Variants in LAS1L observed in about 807,000 individuals in gnomAD.
LAS1L encodes the protein ribosomal biogenesis protein LAS1L.
A neutral mutation model predicts 57.3 loss-of-function variants in LAS1L; 5 were observed. The observed-to-expected ratio is 0.09, with a 90% CI of 0.05 to 0.18. LAS1L has a LOEUF of 0.18. Among genes scored for constraint, LAS1L ranks in the 10% least tolerant of loss-of-function variants. LAS1L has a pLI of 1.00. For missense variants in LAS1L, 360 were observed against 568.3 expected (o/e 0.63, Z 3.73); for synonymous variants, 245 against 231.7 (o/e 1.06, Z -0.52).
intron 7 of LAS1L, among the ~76,000 whole-genome samples, chrX:65,527,104 C>T (rs998352442): frequency 9.9e-6 from 1 of 101,361 alleles, no homozygotes; most frequent in African/African-American, 3.5e-5. Context: ...CCCAGCTTCT[C>T]GGGGAGGCTG....
At chrX:65,513,046 G>A (rs747709754) in intron 13 of LAS1L, 145 bp from the exon 14 acceptor site, 115 of 586,060 alleles carry the variant, frequency 2.0e-4, no homozygotes, top group South Asian at 1.4e-3. Flanking sequence ...TCCGAGAAAC[G>A]ACTTCGTGTG....
chrX:65,533,921 G>T (rs575319816), intron 1 of LAS1L, among the ~76,000 whole-genome samples, 186 bp from the exon 2 acceptor site: 3 of 112,026 alleles, frequency 2.7e-5, no homozygotes, highest in African/African-American at 9.7e-5. Context: ...TACAGGGCAT[G>T]AGGAGCTGAC....
intron 2 of LAS1L, 93 bp from the exon 3 acceptor site, chrX:65,532,723 T>G (rs750595423): frequency 1.6e-4 from 94 of 600,149 alleles, no homozygotes; most frequent in Non-Finnish European, 2.3e-4. Flanking sequence ...TTTCCACTTT[T>G]CCACCGACTG....
At chrX:65,523,491 T>C (rs1198037986) in intron 11 of LAS1L, 69 bp downstream of exon 11, 12 of 1,053,709 alleles carry the variant, frequency 1.1e-5, no homozygotes, top group Non-Finnish European at 1.5e-5. Context: ...ACTCAGTCAT[T>C]CTAGGGCAGT....
chrX:65,520,337 G>A, intron 11 of LAS1L: 3 of 399,119 alleles, frequency 7.5e-6, no homozygotes, highest in Non-Finnish European at 9.5e-6. Flanking sequence ...GTCAAATAGG[G>A]TATAATATAT....
Position 65,534,521 on chromosome X carries a change from C to T in LAS1L, c.195G>A (p.Leu65=). ...TGATGCGGTTAAGCGCGTACCGCTG[C>T]AACTTATGGTCGTCACAGAACAGAT... is the stretch of plus-strand genomic sequence containing the variant. ...TVYLFCDDHK[L]QRYALNRITV... is the part of the protein sequence containing the mutation. The change falls in exon 1 of 14, where the codon TTG becomes TTA. Residue 65 remains leucine (L), a synonymous_variant. Transcript: ENST00000374811. The T allele has an allele frequency of 8.3e-7, 1 of 1,208,966 alleles. No homozygotes were observed. Among genetic ancestry groups the T allele is most frequent in the Non-Finnish European group, 1.1e-6 (1 of 894,051 alleles).
At chrX:65,529,066 TC>T (rs2069329809) in intron 6 of LAS1L, 145 bp downstream of exon 6, 1 of 532,789 alleles carries the variant, frequency 1.9e-6, no homozygotes, top group Non-Finnish European at 3.4e-6. Flanking sequence ...CCTTCCTAGT[TC>T]CCCCCTCTCT....
At position 65,524,087 on chromosome X, in the gene LAS1L, G is replaced by C; in HGVS notation, c.1269C>G (p.Thr423=). Residue 423 remains threonine (T), a synonymous_variant, in exon 10 of 14, where the codon ACC becomes ACG. Transcript: ENST00000374811. The part of the protein sequence containing the change: ...GIRPTYILRW[T]VELIVANTKT... ...TGGTGTTGGCCACGATCAGTTCAAC[G>C]GTCCATCTGAGGATGTAGGTAGGCC... 2.5e-6 allele frequency: 3 copies of C among 1,211,051 alleles called. No homozygotes were observed. Among genetic ancestry groups the C allele is most frequent in the Admixed American group, 2.2e-5 (1 of 46,029 alleles).
At chrX:65,516,709 T>C (rs1004031725) in intron 12 of LAS1L, among the ~76,000 whole-genome samples, 26 of 108,131 alleles carry the variant, frequency 2.4e-4, no homozygotes, top group African/African-American at 3.7e-4. Context: ...CCCCTCCCTT[T>C]CAATATTTAC....
At position 65,515,048 on chromosome X, in the gene LAS1L, T is replaced by C. The variant is rs1186325428; in HGVS notation, c.1928-75A>G. The stretch of plus-strand genomic sequence containing the variant: ...GACTGGTGCACAGGCCTGCTCACCC[T>C]GTCCATCCACCCACCCCACTTAGCA... On this transcript the variant is annotated intron_variant, in intron 12 of 13. Transcript: ENST00000374811. 2.9e-6 allele frequency: 3 copies of C among 1,026,690 alleles called. No homozygotes were observed. In the African/African-American group the frequency reaches 5.7e-5, roughly 20 times the overall value. 84.6% of individuals were successfully genotyped at this position (1,026,690 alleles called of 1,213,427 possible).
intron 7 of LAS1L, among the ~76,000 whole-genome samples, chrX:65,525,908 T>G (rs1466129876): frequency 1.8e-5 from 2 of 111,370 alleles, no homozygotes; most frequent in African/African-American, 3.3e-5. Context: ...CCAAATCTTA[T>G]GTTGAAATTT....
chrX:65,524,010 T>G (rs375513406), intron 10 of LAS1L, 46 bp downstream of exon 10: 1 of 1,126,034 alleles, frequency 8.9e-7, no homozygotes, highest in East Asian at 3.1e-5. Context: ...CAGAGGCTCC[T>G]GCCTGGGCTG....
intron 7 of LAS1L, among the ~76,000 whole-genome samples, chrX:65,525,748 C>CAAAAAAAAAAAAAAAAAAAATA (rs772564998): frequency 2.6e-5 from 1 of 38,258 alleles, no homozygotes; most frequent in African/African-American, 1.1e-4. Context: ...TCTGATTTTT[C>CAAAAAAAAAAAAAAAAAAAATA]AAAAAAAAAA....
At chrX:65,533,815 G>C in intron 1 of LAS1L, 80 bp from the exon 2 acceptor site, 1 of 1,031,334 alleles carries the variant, frequency 9.7e-7, no homozygotes, top group Non-Finnish European at 1.3e-6. Context: ...GGTTGTTGCA[G>C]GCTACACCCA....
Position 65,514,834 on chromosome X carries a change from T to A in LAS1L, c.2067A>T (p.Thr689=). 8.4e-7 allele frequency: 1 copy of A among 1,191,988 alleles called. No homozygotes were observed. The highest frequency in any genetic ancestry group is 1.1e-6 in the Non-Finnish European group (1 of 884,344). ...PVLEQRLEPS[T]CKTDTLGLSC... Reference sequence around the variant, plus strand: ...CCATGGGCACTCACTCAGTCTTGCATGTTGAGGGTTCCAGCCGCTGCTCTA... The same window carrying A: ...CCATGGGCACTCACTCAGTCTTGCAAGTTGAGGGTTCCAGCCGCTGCTCTA... Residue 689 remains threonine, a synonymous_variant, in exon 13 of 14, where the codon ACA becomes ACT. Transcript: ENST00000374811.
At chrX:65,528,152 G>A in intron 7 of LAS1L, 108 bp downstream of exon 7, 2 of 503,457 alleles carry the variant, frequency 4.0e-6, no homozygotes, top group Non-Finnish European at 7.0e-6. Context: ...TTATCCCTGG[G>A]ATTTTGTACA....
intron 11 of LAS1L, among the ~76,000 whole-genome samples, chrX:65,519,988 C>A (rs2068786302): frequency 8.9e-6 from 1 of 112,071 alleles, no homozygotes; most frequent in Admixed American, 9.4e-5. Context: ...GAAACTTTGT[C>A]CTCTCATGGT....
At chrX:65,527,089 G>A (rs2069184572) in intron 7 of LAS1L, among the ~76,000 whole-genome samples, 1 of 106,087 alleles carries the variant, frequency 9.4e-6, no homozygotes, top group Non-Finnish European at 1.9e-5. Context: ...GTACGTGCCT[G>A]TAGTCCCAGC....
At chrX:65,517,312 A>C (rs1479178779) in intron 12 of LAS1L, among the ~76,000 whole-genome samples, 7 of 102,677 alleles carry the variant, frequency 6.8e-5, no homozygotes, top group African/African-American at 2.2e-4. Context: ...CAGTGGCGCG[A>C]TCTCGGCTCA....
Sources: gnomAD v4.1 joint callset for allele counts (sites outside exome capture counted in the v4.1 genomes callset) on GRCh38, gnomAD v4.1.1 for gene constraint, MANE v1.5 for transcripts, NCBI Gene and HGNC (gene_info 2026-07-23, HGNC 2026-07-21) for gene names.